The following PTPRD variants were observed in gnomAD, a reference collection of about 807,000 sequenced individuals.
PTPRD encodes protein tyrosine phosphatase receptor type D, also known as receptor-type tyrosine-protein phosphatase delta.
In PTPRD, 34 loss-of-function variants were observed where a neutral mutation model predicts 214.5. The observed-to-expected ratio is 0.16, with a 90% CI of 0.12 to 0.21. The LOEUF (loss-of-function observed/expected upper bound fraction) is 0.21, where lower values mean the gene tolerates loss of function less well. Ranked by LOEUF, PTPRD falls within the 10% of genes least tolerant of loss-of-function variation. The probability of loss-of-function intolerance (pLI) is 1.00; values close to 1 mark genes in which losing one functional copy is unlikely to be tolerated. For missense variants in PTPRD, 2,545 were observed against 2,398.7 expected (o/e 1.06, Z -1.27); for synonymous variants, 1,128 against 845.7 (o/e 1.33, Z -5.79).
At chr9:10,092,216 G>A (rs1373175101) in intron 3 of PTPRD, among the ~76,000 whole-genome samples, 1 of 151,444 alleles carries the variant, frequency 6.6e-6, no homozygotes, top group Non-Finnish European at 1.5e-5. Context: ...TGTGTGTCAA[G>A]CAATAAATAA....
In PTPRD at chr9:8,418,932, A is replaced by G. The variant is rs188786757; in HGVS notation, c.4087-14272T>C. 1.9e-3 allele frequency among the ~76,000 whole-genome samples: 283 copies of G among 152,242 alleles called. 1 individual carries two copies. Among genetic ancestry groups the G allele is most frequent in the African/African-American group, 6.6e-3 (274 of 41,572 alleles). On this transcript the variant is annotated intron_variant, in intron 35 of 45. Transcript: ENST00000381196. ...TAAATATACCCATGCTAGGAGATTT[A>G]TATATGTCTGTCTGGTGATAATGTC...
chr9:10,589,613 A>G (rs1297090647), intron 2 of PTPRD, among the ~76,000 whole-genome samples: 1 of 152,066 alleles, frequency 6.6e-6, no homozygotes, highest in African/African-American at 2.4e-5. Context: ...TAACAGCTAT[A>G]AAGGACTCCA....
At chr9:10,170,082 C>A (rs929043626) in intron 3 of PTPRD, among the ~76,000 whole-genome samples, 1 of 152,104 alleles carries the variant, frequency 6.6e-6, no homozygotes, top group Admixed American at 6.6e-5. Context: ...TTTTGCATAT[C>A]AAGAATTTCA....
chr9:9,320,602 C>T (rs1965992994), intron 9 of PTPRD, among the ~76,000 whole-genome samples: 2 of 152,278 alleles, frequency 1.3e-5, no homozygotes, highest in South Asian at 4.1e-4. Flanking sequence ...CATCCTTCGT[C>T]TACTATCCTC....
At chr9:9,526,599 G>C (rs936506475) in intron 8 of PTPRD, among the ~76,000 whole-genome samples, 1 of 152,102 alleles carries the variant, frequency 6.6e-6, no homozygotes, top group African/African-American at 2.4e-5. Context: ...AAGCAAATTT[G>C]TCCTGTAATT....
At chr9:8,740,350 T>C (rs765056173) in intron 11 of PTPRD, among the ~76,000 whole-genome samples, 3 of 152,222 alleles carry the variant, frequency 2.0e-5, no homozygotes, top group Non-Finnish European at 2.9e-5. Flanking sequence ...TGCCACATTC[T>C]ATAGACATAA....
intron 11 of PTPRD, among the ~76,000 whole-genome samples, chr9:8,984,948 C>T (rs953298514): frequency 6.6e-6 from 1 of 151,946 alleles, no homozygotes; most frequent in African/African-American, 2.4e-5. Context: ...TTGCTCAGGA[C>T]CCATTTTATT....
At chr9:8,328,906 T>G (rs1480001297) in intron 44 of PTPRD, among the ~76,000 whole-genome samples, 2 of 151,832 alleles carry the variant, frequency 1.3e-5, no homozygotes, top group African/African-American at 4.8e-5. Context: ...TCTAAACTGC[T>G]TATTCTAGTT....
chr9:9,971,845 G>A (rs1180787586), intron 4 of PTPRD, among the ~76,000 whole-genome samples: 2 of 151,788 alleles, frequency 1.3e-5, no homozygotes, highest in Non-Finnish European at 2.9e-5. Flanking sequence ...TAATGCTCTC[G>A]GGGCATATTT....
chr9:9,230,952 C>T (rs895934331), intron 9 of PTPRD, among the ~76,000 whole-genome samples: 8 of 152,012 alleles, frequency 5.3e-5, no homozygotes, highest in African/African-American at 1.7e-4. Flanking sequence ...CAGTCCAGAA[C>T]GTGAATACTT....
intron 14 of PTPRD, among the ~76,000 whole-genome samples, chr9:8,549,023 A>G (rs1393511960): frequency 1.3e-5 from 2 of 152,086 alleles, no homozygotes; most frequent in East Asian, 3.9e-4. Flanking sequence ...AGGAAGTAAA[A>G]GAAAAATCTT....
chr9:10,072,838 A>G (rs1242087912), intron 3 of PTPRD, among the ~76,000 whole-genome samples: 1 of 152,078 alleles, frequency 6.6e-6, no homozygotes, highest in Non-Finnish European at 1.5e-5. Context: ...ATCACTTTCT[A>G]GTTATTTACT....
At chr9:8,861,272 A>G (rs1276021006) in intron 11 of PTPRD, 1 of 152,188 alleles carries the variant, frequency 6.6e-6, no homozygotes, top group Non-Finnish European at 1.5e-5. Flanking sequence ...ATTATGTACT[A>G]AGCATCGTGC....
At chr9:9,374,303 T>C (rs1379346036) in intron 9 of PTPRD, among the ~76,000 whole-genome samples, 2 of 152,092 alleles carry the variant, frequency 1.3e-5, no homozygotes, top group East Asian at 3.9e-4. Context: ...TAAAACTTTT[T>C]ATAAGGAATA....
intron 2 of PTPRD, among the ~76,000 whole-genome samples, chr9:10,415,663 A>G (rs2098480418): frequency 2.0e-5 from 3 of 151,870 alleles, no homozygotes; most frequent in Admixed American, 2.0e-4. Context: ...GATTTTGCCA[A>G]ATTGCAAAGT....
At position 10,281,294 on chromosome 9, in the gene PTPRD, C is replaced by T. The variant is rs146427963; in HGVS notation, c.-545+59669G>A. Among the ~76,000 whole-genome samples the T allele has an allele frequency of 2.2e-4, 33 of 151,904 alleles. No homozygotes were observed. The East Asian group carries it at 6.4e-3, about 29-fold the overall frequency. On this transcript the variant is annotated intron_variant, in intron 3 of 45. Coordinates refer to ENST00000381196, the MANE Select transcript of PTPRD (RefSeq NM_002839.4). ...GTTAACTCTAAGCATAATGTAGATA[C>T]CAAAAATTATTTTTCAGTTGTATCA... is the stretch of plus-strand genomic sequence containing the variant.
intron 8 of PTPRD, among the ~76,000 whole-genome samples, chr9:9,480,803 C>T (rs1332193): frequency 0.77 from 117,743 of 152,008 alleles, 45,663 homozygotes; most frequent in South Asian, 0.8. Context: ...AAAAAGCATA[C>T]AACTAAATGC....
chr9:9,136,040 A>T (rs191278323), intron 10 of PTPRD, among the ~76,000 whole-genome samples: 44 of 152,266 alleles, frequency 2.9e-4, no homozygotes, highest in Admixed American at 1.6e-3. Context: ...CATACATAGT[A>T]ATTTGAGAGA....
intron 4 of PTPRD, among the ~76,000 whole-genome samples, chr9:9,971,791 C>T (rs1278699966): frequency 6.6e-6 from 1 of 151,784 alleles, no homozygotes; most frequent in Non-Finnish European, 1.5e-5. Context: ...TAACTTTATC[C>T]CATAATCTCT....
Sources: allele counts gnomAD v4.1 joint callset (sites outside exome capture counted in the v4.1 genomes callset), GRCh38; gene constraint gnomAD v4.1.1; transcripts MANE v1.5; gene names NCBI Gene and HGNC (gene_info 2026-07-23, HGNC 2026-07-21).